SPPL3: variants seen among roughly 807,000 people sequenced by gnomAD.
SPPL3 encodes the protein signal peptide peptidase-like 3.
SPPL3 carries 5 observed loss-of-function variants against 42.4 expected under a neutral mutation model. The ratio of observed to expected loss-of-function variants is 0.12; its 90% CI spans 0.06 to 0.25. The LOEUF (loss-of-function observed/expected upper bound fraction) is 0.25. Among genes scored for constraint, SPPL3 ranks in the 10% least tolerant of loss-of-function variants. The probability of loss-of-function intolerance (pLI) is 1.00; values close to 1 mark genes in which losing one functional copy is unlikely to be tolerated. For synonymous variants in SPPL3, 195 were observed against 181.8 expected, an observed-to-expected ratio of 1.07 and a Z score of -0.58; for missense variants, 235 against 489.0, an observed-to-expected ratio of 0.48 and a Z score of 4.90.
At chr12:120,895,282 C>A (rs1054115400) in intron 1 of SPPL3, among the ~76,000 whole-genome samples, 1 of 152,032 alleles carries the variant, frequency 6.6e-6, no homozygotes, top group Non-Finnish European at 1.5e-5. Flanking sequence ...ACAAAATTAG[C>A]CGCGTGTATT....
At chr12:120,781,512 T>C (rs1169237806) in intron 6 of SPPL3, among the ~76,000 whole-genome samples, 2 of 150,028 alleles carry the variant, frequency 1.3e-5, no homozygotes, top group Non-Finnish European at 3.0e-5. Context: ...GAGCATAATA[T>C]GATGCATTAT....
chr12:120,897,397 G>C (rs1011644834), intron 1 of SPPL3, among the ~76,000 whole-genome samples: 2 of 152,136 alleles, frequency 1.3e-5, no homozygotes, highest in South Asian at 2.1e-4. Flanking sequence ...CATTATCATA[G>C]TACTTTAACT....
chr12:120,849,686 G>C (rs1872160467), intron 1 of SPPL3, among the ~76,000 whole-genome samples: 1 of 152,164 alleles, frequency 6.6e-6, no homozygotes, highest in Non-Finnish European at 1.5e-5. Flanking sequence ...GAGGAAGCTT[G>C]ACTAGTGCAC....
chr12:120,822,075 C>T (rs11065279), intron 1 of SPPL3, among the ~76,000 whole-genome samples: 3,376 of 152,166 alleles, frequency 0.022, 64 homozygotes, highest in South Asian at 0.066. Context: ...AGCAGAATAG[C>T]GGATACCAGG....
At chr12:120,854,636 A>C (rs556918164) in intron 1 of SPPL3, among the ~76,000 whole-genome samples, 12 of 152,228 alleles carry the variant, frequency 7.9e-5, no homozygotes, top group African/African-American at 2.7e-4. Flanking sequence ...CATTTTAATA[A>C]TACTAAAAAG....
At chr12:120,874,819 T>C (rs1873035153) in intron 1 of SPPL3, among the ~76,000 whole-genome samples, 1 of 152,010 alleles carries the variant, frequency 6.6e-6, no homozygotes, top group South Asian at 2.1e-4. Context: ...ACCTTCTCCT[T>C]GAATTCAGAC....
Position 120,840,459 on chromosome 12 carries a change from G to C in SPPL3, c.24-29573C>G, listed in dbSNP as rs1741754664. Among the ~76,000 whole-genome samples, 5 of 152,122 alleles carry C rather than the reference G, an allele frequency of 3.3e-5. No individual in the cohort carries two copies. In the South Asian group the frequency reaches 1.0e-3, roughly 32 times the overall value. ...GTAGATTAACAGTTACTTAGGGCTG[G>C]GGTGGGAAAATAAAGGAATGGAAAA... On this transcript the variant is annotated intron_variant, in intron 1 of 10. Coordinates refer to ENST00000353487, the MANE Select transcript of SPPL3 (RefSeq NM_139015.5).
At chr12:120,840,013 G>A (rs1443651072) in intron 1 of SPPL3, among the ~76,000 whole-genome samples, 1 of 152,096 alleles carries the variant, frequency 6.6e-6, no homozygotes, top group Admixed American at 6.5e-5. Flanking sequence ...TAGAGTGGTG[G>A]CTCATGCCTG....
chr12:120,868,697 G>T lies in SPPL3; in HGVS notation c.23+35148C>A, dbSNP rs1343479732. ...GGGTTTCACCAAGTTGGCTAGGATG[G>T]TCTCAATCTCTTGACCTCGTCATCC... On this transcript the variant is annotated intron_variant, in intron 1 of 10. Transcript: ENST00000353487. Among the ~76,000 whole-genome samples the T allele has an allele frequency of 2.0e-5, 3 of 152,062 alleles. 1 individual carries two copies. Among genetic ancestry groups the T allele is most frequent in the East Asian group, 3.9e-4 (2 of 5,188 alleles).
intron 1 of SPPL3, among the ~76,000 whole-genome samples, chr12:120,825,116 A>G (rs1268240890): frequency 6.6e-6 from 1 of 152,102 alleles, no homozygotes; most frequent in Non-Finnish European, 1.5e-5. Flanking sequence ...CTAACACCTT[A>G]AACTCATTTA....
At chr12:120,772,499 A>G (rs1455476046) in intron 6 of SPPL3, among the ~76,000 whole-genome samples, 2 of 152,152 alleles carry the variant, frequency 1.3e-5, no homozygotes, top group African/African-American at 4.8e-5. Flanking sequence ...CTAGCACTTG[A>G]CAGAGTAGAC....
chr12:120,874,304 T>A (rs1447996696), intron 1 of SPPL3, among the ~76,000 whole-genome samples: 1 of 151,482 alleles, frequency 6.6e-6, no homozygotes, highest in Non-Finnish European at 1.5e-5. Context: ...AATATAAAAA[T>A]TAGCTGGGCG....
intron 2 of SPPL3, among the ~76,000 whole-genome samples, chr12:120,809,050 T>A (rs1255966715): frequency 6.6e-6 from 1 of 152,116 alleles, no homozygotes; most frequent in Non-Finnish European, 1.5e-5. Context: ...GACATCTCAG[T>A]GATTAACACT....
intron 1 of SPPL3, among the ~76,000 whole-genome samples, chr12:120,862,427 C>T (rs1872640380): frequency 6.6e-6 from 1 of 152,156 alleles, no homozygotes; most frequent in Non-Finnish European, 1.5e-5. Flanking sequence ...GGTATCAAGT[C>T]CAGGTCACCC....
At chr12:120,821,165 T>C in intron 1 of SPPL3, among the ~76,000 whole-genome samples, 1 of 152,212 alleles carries the variant, frequency 6.6e-6, no homozygotes, top group Non-Finnish European at 1.5e-5. Flanking sequence ...TACATCTTAT[T>C]GCCTAGGATA....
chr12:120,824,363 C>CA (rs985037380), intron 1 of SPPL3, among the ~76,000 whole-genome samples: 1 of 151,666 alleles, frequency 6.6e-6, no homozygotes, highest in Admixed American at 6.6e-5. Flanking sequence ...GCAAAAAAGA[C>CA]AAAAAAGTGT....
intron 7 of SPPL3, 92 bp downstream of exon 7, chr12:120,768,861 G>T: frequency 1.8e-6 from 2 of 1,132,998 alleles, no homozygotes; most frequent in Non-Finnish European, 2.6e-6. Flanking sequence ...GGGCAAGCCC[G>T]ACTTTGGATA....
chr12:120,824,388 T>G (rs940403397), intron 1 of SPPL3, among the ~76,000 whole-genome samples: 1 of 152,174 alleles, frequency 6.6e-6, no homozygotes, highest in African/African-American at 2.4e-5. Flanking sequence ...GATGTCTGAT[T>G]TGGCTATATT....
At chr12:120,830,108 A>C (rs1307396549) in intron 1 of SPPL3, among the ~76,000 whole-genome samples, 4 of 149,654 alleles carry the variant, frequency 2.7e-5, no homozygotes, top group Non-Finnish European at 1.5e-5. Flanking sequence ...ACTGGGGTGA[A>C]ACTCATGGTA....
Sources: allele counts gnomAD v4.1 joint callset (sites outside exome capture counted in the v4.1 genomes callset), GRCh38; gene constraint gnomAD v4.1.1; transcripts MANE v1.5; gene names NCBI Gene and HGNC (gene_info 2026-07-23, HGNC 2026-07-21).